Variants in KIF4B observed in about 807,000 individuals in gnomAD.
KIF4B encodes the protein kinesin family member 4B.
In KIF4B, 60 loss-of-function variants were observed where a neutral mutation model predicts 69.0. That is an observed-to-expected ratio of 0.87 (90% CI 0.71 to 1.08). The LOEUF (loss-of-function observed/expected upper bound fraction) is 1.08. KIF4B is among the 50% of genes least tolerant of loss of function. The pLI is 0.00. For synonymous variants in KIF4B, 489 were observed against 533.0 expected, an observed-to-expected ratio of 0.92 and a Z score of 1.14; for missense variants, 1,357 against 1,451.9, an observed-to-expected ratio of 0.93 and a Z score of 1.06.
rs1765290932 is a variant in KIF4B at position 155,014,563 on chromosome 5, A to G, written c.704A>G (p.Lys235Arg). Reference sequence around the variant, plus strand: ...GACAAGAATTGCAGCTTTCGCTCCAAGCTGCATCTTGTAGATCTCGCTGGA... The same window carrying G: ...GACAAGAATTGCAGCTTTCGCTCCAGGCTGCATCTTGTAGATCTCGCTGGA... ...KSDKNCSFRS[K>R]LHLVDLAGSE... Residue 235 changes from lysine to arginine, a missense_variant, in exon 1 of 1, where the codon AAG (lysine) becomes AGG (arginine). Transcript: ENST00000435029. 1 of 1,614,146 alleles carries G rather than the reference A, an allele frequency of 6.2e-7. No individual in the cohort carries two copies. The highest frequency in any genetic ancestry group is 8.5e-7 in the Non-Finnish European group (1 of 1,180,006).
Position 155,017,668 on chromosome 5 carries a change from C to A in KIF4B, c.*104C>A. 6.8e-7 allele frequency: 1 copy of A among 1,464,762 alleles called. No homozygotes were observed. Among genetic ancestry groups the A allele is most frequent in the East Asian group, 2.4e-5 (1 of 41,040 alleles). The allele number at this position is 1,464,762 out of a possible 1,614,324, so 90.7% of individuals were successfully genotyped here. On this transcript the variant is annotated 3_prime_UTR_variant, in exon 1 of 1. Coordinates refer to ENST00000435029, the MANE Select transcript of KIF4B (RefSeq NM_001099293.3). ...ACTTCTCTGGATTTCAGGTTTCTTG[C>A]CGTTGAAAAAAAGGAACAAAGCATT... is the stretch of plus-strand genomic sequence containing the variant.
In KIF4B at chr5:155,014,349, C is replaced by T. The variant is rs200058266; in HGVS notation, c.490C>T (p.Arg164Trp). Residue 164 changes from arginine to tryptophan, a missense_variant, in exon 1 of 1, where the codon CGG becomes TGG. Physicochemically the swap from Arg to Trp is moderately radical, Grantham distance 101. Coordinates refer to ENST00000435029, the MANE Select transcript of KIF4B (RefSeq NM_001099293.3). ...PSREKAQINI[R>W]EDPKEGIKIV... ...TCGTGAGAAAGCTCAAATAAATATACGGGAGGATCCTAAGGAAGGCATAAA... is the reference window on the plus strand; with the variant it reads ...TCGTGAGAAAGCTCAAATAAATATATGGGAGGATCCTAAGGAAGGCATAAA... 77 of 1,614,098 alleles carry T rather than the reference C, an allele frequency of 4.8e-5. No homozygotes were observed. Among genetic ancestry groups the T allele is most frequent in the Non-Finnish European group, 5.6e-5 (66 of 1,180,026 alleles).
Position 155,015,383 on chromosome 5 carries a change from T to C in KIF4B, c.1524T>C (p.Ser508=), listed in dbSNP as rs778251427. Residue 508 remains serine (S), a synonymous_variant, in exon 1 of 1, where the codon TCT becomes TCC. Coordinates refer to ENST00000435029, the MANE Select transcript of KIF4B (RefSeq NM_001099293.3). ...CCAGTCCAGAGACAAGCAGGTCTTC[T>C]GACGCTTTTACCACTCAGCATGCTC... The part of the protein sequence containing the change: ...VETSPETSRS[S]DAFTTQHALH... 1.2e-5 allele frequency: 20 copies of C among 1,614,248 alleles called. No individual in the cohort carries two copies. The South Asian group carries it at 2.2e-4, about 18-fold the overall frequency.
rs772239185 is a variant in KIF4B at position 155,014,335 on chromosome 5, C to T, written c.476C>T (p.Ala159Val). The T allele has an allele frequency of 6.2e-7, 1 of 1,614,062 alleles. No homozygotes were observed. Among genetic ancestry groups the T allele is most frequent in the Admixed American group, 1.7e-5 (1 of 59,996 alleles). ...CTTCTATGCCCATCTCGTGAGAAAG[C>T]TCAAATAAATATACGGGAGGATCCT... is the stretch of plus-strand genomic sequence containing the variant. ...LDLLCPSREK[A>V]QINIREDPKE... is the part of the protein sequence containing the mutation. The change falls in exon 1 of 1, where the codon GCT becomes GTT. Residue 159 changes from alanine (A) to valine (V), a missense_variant. Ala to Val is a moderately conservative substitution (Grantham distance 64). Transcript: ENST00000435029.
rs1274794210 is a variant in KIF4B at position 155,013,993 on chromosome 5, C to T, written c.134C>T (p.Thr45Ile). 9 of 1,614,114 alleles carry T rather than the reference C, an allele frequency of 5.6e-6. No individual in the cohort carries two copies. The highest frequency in any genetic ancestry group is 7.6e-6 in the Non-Finnish European group (9 of 1,180,058). ...VPGETQVVVGTDKSFTYDFVF... is the reference protein window; with the variant it reads ...VPGETQVVVGIDKSFTYDFVF... Reference sequence around the variant, plus strand: ...GGGGAGACTCAGGTGGTGGTTGGTACTGATAAATCCTTCACCTACGATTTT... The same window carrying T: ...GGGGAGACTCAGGTGGTGGTTGGTATTGATAAATCCTTCACCTACGATTTT... Residue 45 changes from threonine to isoleucine, a missense_variant, in exon 1 of 1, where the codon ACT becomes ATT. Physicochemically the swap from Thr to Ile is moderately conservative, Grantham distance 89 (BLOSUM62 -1). Transcript: ENST00000435029.
In KIF4B at chr5:155,015,246, G is replaced by A. The variant is rs1463837604; in HGVS notation, c.1387G>A (p.Val463Ile). The A allele has an allele frequency of 6.2e-7, 1 of 1,614,122 alleles. No homozygotes were observed. The highest frequency in any genetic ancestry group is 1.3e-5 in the African/African-American group (1 of 74,938). ...GGAAGACCAGGAATTGAAAGAAAATGTAGAGATAATTTGTAACCTGCAGCA... is the reference window on the plus strand; with the variant it reads ...GGAAGACCAGGAATTGAAAGAAAATATAGAGATAATTTGTAACCTGCAGCA... ...TLEDQELKEN[V>I]EIICNLQQLI... Residue 463 changes from valine to isoleucine, a missense_variant, in exon 1 of 1, where the codon GTA becomes ATA. Coordinates refer to ENST00000435029, the MANE Select transcript of KIF4B (RefSeq NM_001099293.3).
chr5:155,016,964 G>T lies in KIF4B; in HGVS notation c.3105G>T (p.Leu1035=). The change falls in exon 1 of 1, where the codon CTG becomes CTT. Residue 1035 remains leucine, a synonymous_variant. Transcript: ENST00000435029. The part of the protein sequence containing the change: ...PKPSRVKEKF[L]EQSMDIEDLK... Reference sequence around the variant, plus strand: ...CTTCTCGTGTTAAAGAAAAGTTTCTGGAGCAAAGCATGGACATCGAGGATC... The same window carrying T: ...CTTCTCGTGTTAAAGAAAAGTTTCTTGAGCAAAGCATGGACATCGAGGATC... 1 of 1,614,202 alleles carries T rather than the reference G, an allele frequency of 6.2e-7. No individual in the cohort carries two copies. Among genetic ancestry groups the T allele is most frequent in the Non-Finnish European group, 8.5e-7 (1 of 1,180,032 alleles).
In KIF4B at chr5:155,014,001, T is replaced by C. The variant is rs1248103317; in HGVS notation, c.142T>C (p.Ser48Pro). The C allele has an allele frequency of 6.2e-7, 1 of 1,614,100 alleles. No homozygotes were observed. Among genetic ancestry groups the C allele is most frequent in the Non-Finnish European group, 8.5e-7 (1 of 1,180,048 alleles). Reference sequence around the variant, plus strand: ...TCAGGTGGTGGTTGGTACTGATAAATCCTTCACCTACGATTTTGTGTTTGA... The same window carrying C: ...TCAGGTGGTGGTTGGTACTGATAAACCCTTCACCTACGATTTTGTGTTTGA... Reference protein sequence around the residue: ...ETQVVVGTDKSFTYDFVFDPC... With the variant: ...ETQVVVGTDKPFTYDFVFDPC... The change falls in exon 1 of 1, where the codon TCC becomes CCC. Residue 48 changes from serine to proline, a missense_variant. Transcript: ENST00000435029.
rs1765280597 is a variant in KIF4B, at chr5:155,014,115, G to T, written c.256G>T (p.Ala86Ser). 10 of 1,614,240 alleles carry T rather than the reference G, an allele frequency of 6.2e-6. No individual in the cohort carries two copies. Among genetic ancestry groups the T allele is most frequent in the Non-Finnish European group, 8.5e-6 (10 of 1,180,048 alleles). Residue 86 changes from alanine to serine, a missense_variant, in exon 1 of 1, where the codon GCC becomes TCC. By Grantham distance (99) the Ala-to-Ser change is moderately conservative (BLOSUM62 1). Coordinates refer to ENST00000435029, the MANE Select transcript of KIF4B (RefSeq NM_001099293.3). ...IFKGYNATVL[A>S]YGQTGSGKTY... ...TAAAGGATATAATGCAACGGTCCTGGCCTATGGGCAGACTGGCTCTGGAAA... is the reference window on the plus strand; with the variant it reads ...TAAAGGATATAATGCAACGGTCCTGTCCTATGGGCAGACTGGCTCTGGAAA...
Position 155,016,708 on chromosome 5 carries a change from A to C in KIF4B, c.2849A>C (p.Lys950Thr). ...ESQMAEKQLE[K>T]SASEKEQQLV... ...CAAATGGCAGAGAAGCAGTTAGAGA[A>C]ATCAGCCAGTGAAAAGGAACAACAG... The change falls in exon 1 of 1, where the codon AAA becomes ACA. Residue 950 changes from lysine (K) to threonine (T), a missense_variant. Physicochemically the swap from Lys to Thr is moderately conservative, Grantham distance 78 (BLOSUM62 -1). Transcript: ENST00000435029. 1 of 1,614,204 alleles carries C rather than the reference A, an allele frequency of 6.2e-7. No individual in the cohort carries two copies. Among genetic ancestry groups the C allele is most frequent in the Non-Finnish European group, 8.5e-7 (1 of 1,180,046 alleles).
At position 155,016,823 on chromosome 5, in the gene KIF4B, A is replaced by G; in HGVS notation, c.2964A>G (p.Glu988=). The change falls in exon 1 of 1, where the codon GAA becomes GAG. Residue 988 remains glutamate (E), a synonymous_variant. Transcript: ENST00000435029. ...EQNQQLLQEN[E]IIKQKLILLQ... ...ATCAGCAGCTTCTCCAAGAGAATGA[A>G]ATCATCAAGCAGAAACTGATCCTCC... The G allele has an allele frequency of 6.2e-7, 1 of 1,614,166 alleles. No homozygotes were observed. Among genetic ancestry groups the G allele is most frequent in the South Asian group, 1.1e-5 (1 of 91,080 alleles).
Position 155,016,309 on chromosome 5 carries a change from C to G in KIF4B, c.2450C>G (p.Thr817Arg). ...GTTTTGGAGTCAGAAGATTGTATTA[C>G]AAAACAGATTGAAAGCCTAGAGACT... ...GQVLESEDCI[T>R]KQIESLETEM... is the part of the protein sequence containing the mutation. The change falls in exon 1 of 1, where the codon ACA becomes AGA. Residue 817 changes from threonine (T) to arginine (R), a missense_variant. By Grantham distance (71) the Thr-to-Arg change is moderately conservative (BLOSUM62 -1). Coordinates refer to ENST00000435029, the MANE Select transcript of KIF4B (RefSeq NM_001099293.3). The G allele has an allele frequency of 1.2e-6, 2 of 1,614,196 alleles. No homozygotes were observed. Among genetic ancestry groups the G allele is most frequent in the Non-Finnish European group, 8.5e-7 (1 of 1,180,034 alleles).
Position 155,014,610 on chromosome 5 carries a change from A to G in KIF4B, c.751A>G (p.Lys251Glu), listed in dbSNP as rs771858981. The G allele has an allele frequency of 1.2e-6, 2 of 1,614,190 alleles. No homozygotes were observed. Among genetic ancestry groups the G allele is most frequent in the South Asian group, 1.1e-5 (1 of 91,088 alleles). ...TGGATCAGAAAGACAGAAGAAAACC[A>G]AGGCTGAAGGGGATCGTCTAAAAGA... ...LAGSERQKKT[K>E]AEGDRLKEGI... is the part of the protein sequence containing the mutation. Residue 251 changes from lysine (K) to glutamate (E), a missense_variant, in exon 1 of 1, where the codon AAG (lysine) becomes GAG (glutamate). Coordinates refer to ENST00000435029, the MANE Select transcript of KIF4B (RefSeq NM_001099293.3).
rs1765356869 is a variant in KIF4B, at chr5:155,017,896, T to C, written c.*332T>C. 3.5e-6 allele frequency: 1 copy of C among 283,532 alleles called. No individual in the cohort carries two copies. Among genetic ancestry groups the C allele is most frequent in the Admixed American group, 4.9e-5 (1 of 20,508 alleles). 17.6% of individuals were successfully genotyped at this position (283,532 alleles called of 1,614,324 possible). On this transcript the variant is annotated 3_prime_UTR_variant, in exon 1 of 1. Coordinates refer to ENST00000435029, the MANE Select transcript of KIF4B (RefSeq NM_001099293.3). Reference sequence around the variant, plus strand: ...AGTTCAGGCTATCTCCTGATGGGGATGAGGCCAAGGCTTTCTTATCTTTTG... The same window carrying C: ...AGTTCAGGCTATCTCCTGATGGGGACGAGGCCAAGGCTTTCTTATCTTTTG...
In KIF4B at chr5:155,015,906, C is replaced by A. The variant is rs774682102; in HGVS notation, c.2047C>A (p.Gln683Lys). The A allele has an allele frequency of 4.2e-5, 68 of 1,613,714 alleles. No homozygotes were observed. The highest frequency in any genetic ancestry group is 5.5e-5 in the Non-Finnish European group (65 of 1,179,978). Reference sequence around the variant, plus strand: ...GTTGAAAGAACGAGACCGTAAGAGGCAATATGAGCTGCTCAAACTTGAAAG... The same window carrying A: ...GTTGAAAGAACGAGACCGTAAGAGGAAATATGAGCTGCTCAAACTTGAAAG... ...IQLKERDRKR[Q>K]YELLKLERNF... Residue 683 changes from glutamine to lysine, a missense_variant, in exon 1 of 1, where the codon CAA becomes AAA. Coordinates refer to ENST00000435029, the MANE Select transcript of KIF4B (RefSeq NM_001099293.3).
rs373381175 is a variant in KIF4B at position 155,017,081 on chromosome 5, A to G, written c.3222A>G (p.Pro1074=). ...SDEGDDEEWK[P]TKLVKVSRKN... is the part of the protein sequence containing the mutation. ...AGGGGGATGATGAGGAATGGAAGCC[A>G]ACAAAATTAGTCAAGGTGTCCAGGA... The change falls in exon 1 of 1, where the codon CCA becomes CCG. Residue 1074 remains proline, a synonymous_variant. Transcript: ENST00000435029. 12 of 1,613,946 alleles carry G rather than the reference A, an allele frequency of 7.4e-6. No homozygotes were observed. Among genetic ancestry groups the G allele is most frequent in the African/African-American group, 1.3e-5 (1 of 74,922 alleles).
chr5:155,015,402 CA>C lies in KIF4B; in HGVS notation c.1544del (p.His515LeufsTer15). ...SRSSDAFTTQ[H>X]ALHQAQMSKE... ...GTCTTCTGACGCTTTTACCACTCAGCATGCTCTCCATCAAGCTCAGATGTCT... is the reference window on the plus strand; with the variant it reads ...GTCTTCTGACGCTTTTACCACTCAGCTGCTCTCCATCAAGCTCAGATGTCT... On this transcript the variant is annotated frameshift_variant, in exon 1 of 1. Coordinates refer to ENST00000435029, the MANE Select transcript of KIF4B (RefSeq NM_001099293.3). LOFTEE classifies it high-confidence loss of function. 6.2e-7 allele frequency: 1 copy of C among 1,614,214 alleles called. No homozygotes were observed. Among genetic ancestry groups the C allele is most frequent in the Non-Finnish European group, 8.5e-7 (1 of 1,180,036 alleles).
Position 155,015,115 on chromosome 5 carries a change from G to A in KIF4B, c.1256G>A (p.Arg419Lys). 1.2e-6 allele frequency: 2 copies of A among 1,614,190 alleles called. No individual in the cohort carries two copies. Among genetic ancestry groups the A allele is most frequent in the South Asian group, 1.1e-5 (1 of 91,086 alleles). ...AAGQTAQMLE[R>K]IILTEQVNEK... Reference sequence around the variant, plus strand: ...GGTCAGACAGCCCAGATGTTGGAGAGGATCATTTTGACAGAGCAAGTGAAT... The same window carrying A: ...GGTCAGACAGCCCAGATGTTGGAGAAGATCATTTTGACAGAGCAAGTGAAT... Residue 419 changes from arginine to lysine, a missense_variant, in exon 1 of 1, where the codon AGG (arginine) becomes AAG (lysine). Physicochemically the swap from Arg to Lys is conservative, Grantham distance 26. Transcript: ENST00000435029.
chr5:155,017,504 T>G lies in KIF4B; in HGVS notation c.3645T>G (p.Ala1215=). The G allele has an allele frequency of 6.2e-7, 1 of 1,613,936 alleles. No individual in the cohort carries two copies. Among genetic ancestry groups the G allele is most frequent in the South Asian group, 1.1e-5 (1 of 91,048 alleles). ...NKPPGKKKKR[A]LASNTSFFSG... is the part of the protein sequence containing the mutation. ...CTCCAGGGAAGAAAAAGAAACGAGCTCTGGCTAGCAACACCAGCTTCTTCT... is the reference window on the plus strand; with the variant it reads ...CTCCAGGGAAGAAAAAGAAACGAGCGCTGGCTAGCAACACCAGCTTCTTCT... The change falls in exon 1 of 1, where the codon GCT becomes GCG. Residue 1215 remains alanine, a synonymous_variant. Transcript: ENST00000435029.
Sources: allele counts gnomAD v4.1 joint callset, GRCh38; gene constraint gnomAD v4.1.1; transcripts MANE v1.5; gene names NCBI Gene and HGNC (gene_info 2026-07-23, HGNC 2026-07-21).